Variants in LDLRAP1 observed in about 807,000 individuals in gnomAD.
The protein encoded by LDLRAP1 is low density lipoprotein receptor adapter protein 1.
A neutral mutation model predicts 37.8 loss-of-function variants in LDLRAP1; 30 were observed. That is an observed-to-expected ratio of 0.79 (90% CI 0.59 to 1.08). The LOEUF (loss-of-function observed/expected upper bound fraction) is 1.08. LDLRAP1 is among the 50% of genes least tolerant of loss of function. LDLRAP1 has a pLI of 0.00. For missense variants in LDLRAP1, 375 were observed against 401.6 expected (o/e 0.93, Z 0.57); for synonymous variants, 156 against 169.8 (o/e 0.92, Z 0.63).
chr1:25,545,046 TG>T (rs1399817706), intron 1 of LDLRAP1, among the ~76,000 whole-genome samples: 4 of 152,012 alleles, frequency 2.6e-5, no homozygotes, highest in Non-Finnish European at 2.9e-5. Flanking sequence ...TGCCTGCTGG[TG>T]GGGGGTGGGG....
downstream of LDLRAP1, among the ~76,000 whole-genome samples, chr1:25,569,578 G>C (rs1167948444): frequency 6.6e-6 from 1 of 152,152 alleles, no homozygotes; most frequent in Non-Finnish European, 1.5e-5. Flanking sequence ...ACTCAGTGGT[G>C]ACCATCATCA....
At chr1:25,565,532 T>C (rs914518539) in intron 8 of LDLRAP1, among the ~76,000 whole-genome samples, 13 of 151,390 alleles carry the variant, frequency 8.6e-5, no homozygotes, top group South Asian at 4.1e-4. Flanking sequence ...AGGCGTGGCC[T>C]TCAAAAATGG....
At chr1:25,577,123 G>C in the LDLRAP1 span, among the ~76,000 whole-genome samples, 1 of 152,214 alleles carries the variant, frequency 6.6e-6, no homozygotes. Context: ...GAGAAAGATC[G>C]GGAGGAAGCA....
intron 1 of LDLRAP1, among the ~76,000 whole-genome samples, chr1:25,548,664 A>C (rs113863073): frequency 1.3e-5 from 2 of 150,532 alleles, no homozygotes; most frequent in African/African-American, 2.4e-5. Context: ...GGATACTCCT[A>C]TTGTCCCTGT....
chr1:25,563,278 A>G, intron 6 of LDLRAP1, 125 bp downstream of exon 6: 1 of 697,040 alleles, frequency 1.4e-6, no homozygotes, highest in South Asian at 1.8e-5. Context: ...TGTTAAATAA[A>G]TAATACACGT....
chr1:25,586,665 G>A, the LDLRAP1 span, among the ~76,000 whole-genome samples: 4 of 152,188 alleles, frequency 2.6e-5, no homozygotes. This position sits in a 1 kb window ranked among gnomAD's most constrained non-coding sequence, Gnocchi z 4.3. Flanking sequence ...AGCAGGGGTG[G>A]GGGCTCTGTT....
Position 25,543,690 on chromosome 1 carries a change from G to C in LDLRAP1, c.-9G>C. The C allele has an allele frequency of 1.6e-6, 2 of 1,215,528 alleles. No homozygotes were observed. The highest frequency in any genetic ancestry group is 8.2e-5 in the South Asian group (2 of 24,464). The allele number at this position is 1,215,528 out of a possible 1,614,324, so 75.3% of individuals were successfully genotyped here. A position where few individuals can be genotyped will look rare whatever the true frequency, so the allele number is the denominator to read the frequency against. On this transcript the variant is annotated 5_prime_UTR_variant, in exon 1 of 9. Coordinates refer to ENST00000374338, the MANE Select transcript of LDLRAP1 (RefSeq NM_015627.3). Reference sequence around the variant, plus strand: ...GCTGCGGCAGCGGCGGCGGCGGCCGGAGCGGGCCATGGACGCGCTCAAGTC... The same window carrying C: ...GCTGCGGCAGCGGCGGCGGCGGCCGCAGCGGGCCATGGACGCGCTCAAGTC...
rs893532862 is a variant in LDLRAP1, at chr1:25,555,784, C to T, written c.344+812C>T. 6.6e-6 allele frequency among the ~76,000 whole-genome samples: 1 copy of T among 152,166 alleles called. No individual in the cohort carries two copies. The highest frequency in any genetic ancestry group is 1.5e-5 in the Non-Finnish European group (1 of 68,026). ...CACCGGCCTGATCATACCTGCCTTC[C>T]TTTAGTCAACAGTTTCAGATACCTA... is the stretch of plus-strand genomic sequence containing the variant. On this transcript the variant is annotated intron_variant, in intron 3 of 8. Coordinates refer to ENST00000374338, the MANE Select transcript of LDLRAP1 (RefSeq NM_015627.3). The surrounding 1 kb of genome is among the most constrained non-coding windows in gnomAD (Gnocchi z 4.7).
downstream of LDLRAP1, among the ~76,000 whole-genome samples, chr1:25,570,035 C>A (rs1035124791): frequency 2.6e-5 from 4 of 152,228 alleles, no homozygotes; most frequent in South Asian, 8.3e-4. Flanking sequence ...TGCCCCTCAG[C>A]TGTGGCTTGT....
intron 1 of LDLRAP1, 32 bp from the exon 2 acceptor site, chr1:25,553,890 A>T: frequency 6.2e-7 from 1 of 1,610,850 alleles, no homozygotes; most frequent in South Asian, 1.1e-5. Flanking sequence ...CCTGAGCCGC[A>T]GGGTCTGAGG....
chr1:25,573,643 C>T (rs2044634449), downstream of LDLRAP1, among the ~76,000 whole-genome samples: 1 of 152,194 alleles, frequency 6.6e-6, no homozygotes, highest in South Asian at 2.1e-4. Context: ...GGAGGTTAGC[C>T]CGGAGAAAAC....
At chr1:25,572,518 G>A (rs1046774353), downstream of LDLRAP1, among the ~76,000 whole-genome samples, 1 of 152,166 alleles carries the variant, frequency 6.6e-6, no homozygotes, top group African/African-American at 2.4e-5. Flanking sequence ...TTCAAAGTGA[G>A]ATTCTAGAAT....
At chr1:25,585,366 C>T in the LDLRAP1 span, among the ~76,000 whole-genome samples, 1 of 151,148 alleles carries the variant, frequency 6.6e-6, no homozygotes, top group African/African-American at 2.4e-5. Flanking sequence ...CACTCTGTCG[C>T]CCAGGCTGGA....
the LDLRAP1 span, among the ~76,000 whole-genome samples, chr1:25,574,419 T>TTCCATC: frequency 6.6e-6 from 1 of 152,224 alleles, no homozygotes; most frequent in Non-Finnish European, 1.5e-5. Flanking sequence ...ACCTCCGGGC[T>TTCCATC]TGCAAGCGGG....
rs142920998 is a variant in LDLRAP1, at chr1:25,553,955, C to T, written c.122C>T (p.Thr41Met). Residue 41 changes from threonine (T) to methionine (M), a missense_variant, in exon 2 of 9, where the codon ACG becomes ATG. Thr to Met is a moderately conservative substitution (Grantham distance 81). Coordinates refer to ENST00000374338, the MANE Select transcript of LDLRAP1 (RefSeq NM_015627.3). The stretch of plus-strand genomic sequence containing the variant: ...GAGAACTGGACAGACACGCGGGAGA[C>T]GCTGCTGGAGGGGATGCTGTTCAGC... ...LPENWTDTRE[T>M]LLEGMLFSLK... 44 of 1,613,974 alleles carry T rather than the reference C, an allele frequency of 2.7e-5. No individual in the cohort carries two copies. The African/African-American group carries it at 4.3e-4, about 16-fold the overall frequency.
chr1:25,548,015 A>C (rs1253210467), intron 1 of LDLRAP1, among the ~76,000 whole-genome samples: 1 of 152,230 alleles, frequency 6.6e-6, no homozygotes. Flanking sequence ...CTTTTTGAGC[A>C]GCCCTGCAGG....
chr1:25,551,978 A>G (rs1467873108), intron 1 of LDLRAP1, among the ~76,000 whole-genome samples: 1 of 152,154 alleles, frequency 6.6e-6, no homozygotes, highest in Non-Finnish European at 1.5e-5. Flanking sequence ...GTTCCTGTAT[A>G]ACCCTCCCCA....
At chr1:25,558,806 C>A (rs1572043537) in intron 4 of LDLRAP1, among the ~76,000 whole-genome samples, 1 of 152,210 alleles carries the variant, frequency 6.6e-6, no homozygotes, top group Non-Finnish European at 1.5e-5. Flanking sequence ...CTGTGTAAGG[C>A]AGCATTCACG....
intron 6 of LDLRAP1, 164 bp from the exon 7 acceptor site, chr1:25,563,497 G>T: frequency 1.1e-6 from 1 of 873,760 alleles, no homozygotes. Flanking sequence ...CTCACTCTGT[G>T]GGCAGCTGCG....
Sources: gnomAD v4.1 joint callset for allele counts (sites outside exome capture counted in the v4.1 genomes callset) on GRCh38, gnomAD v4.1.1 for gene constraint, Gnocchi (gnomAD v3.1) non-coding constraint, MANE v1.5 for transcripts, NCBI Gene and HGNC (gene_info 2026-07-23, HGNC 2026-07-21) for gene names.